CAV1: variants seen among roughly 807,000 people sequenced by gnomAD.
CAV1 encodes caveolin 1.
A neutral mutation model predicts 16.5 loss-of-function variants in CAV1; 10 were observed. The ratio of observed to expected loss-of-function variants is 0.61; its 90% CI spans 0.37 to 1.03. The LOEUF is 1.03. CAV1 is among the 50% of genes least tolerant of loss of function. The pLI is 0.01. For synonymous variants in CAV1, 76 were observed against 85.1 expected (o/e 0.89, Z 0.59); for missense variants, 212 against 232.8 (o/e 0.91, Z 0.58).
At chr7:116,533,673 G>C (rs1266065033) in intron 2 of CAV1, among the ~76,000 whole-genome samples, 1 of 152,074 alleles carries the variant, frequency 6.6e-6, no homozygotes, top group Non-Finnish European at 1.5e-5. Flanking sequence ...CTATCTCCTT[G>C]ACTTTCTTTA....
At chr7:116,551,439 G>T (rs1246632363) in intron 2 of CAV1, among the ~76,000 whole-genome samples, 1 of 152,166 alleles carries the variant, frequency 6.6e-6, no homozygotes, top group African/African-American at 2.4e-5. Flanking sequence ...ATGAATTCTA[G>T]AAAGTTGTAA....
chr7:116,538,464 A>T (rs1327727587), intron 2 of CAV1, among the ~76,000 whole-genome samples: 3 of 152,236 alleles, frequency 2.0e-5, no homozygotes, highest in Non-Finnish European at 4.4e-5. Context: ...TATGTCAAGG[A>T]AGTGGAATTG....
chr7:116,525,443 C>A (rs1404945073), intron 1 of CAV1: 59 of 1,397,440 alleles, frequency 4.2e-5, no homozygotes, highest in Non-Finnish European at 5.6e-5. Context: ...GCCCTGCCTG[C>A]TGGGGGTTCG....
rs1403064437 is a variant in CAV1 at position 116,559,468 on chromosome 7, T to C, written c.*181T>C. The C allele has an allele frequency of 8.1e-6, 5 of 614,148 alleles. No homozygotes were observed. Among genetic ancestry groups the C allele is most frequent in the Non-Finnish European group, 1.4e-5 (5 of 350,816 alleles). The allele number at this position is 614,148 out of a possible 1,614,324, so 38.0% of individuals were successfully genotyped here. A position where few individuals can be genotyped will look rare whatever the true frequency, so the allele number is the denominator to read the frequency against. On this transcript the variant is annotated 3_prime_UTR_variant, in exon 3 of 3. Coordinates refer to ENST00000341049, the MANE Select transcript of CAV1 (RefSeq NM_001753.5). ...TATGTCTCTTCTGAGCTATTTCATCTATTTTTGGCAGTCTGAATTTTTAAA... is the reference window on the plus strand; with the variant it reads ...TATGTCTCTTCTGAGCTATTTCATCCATTTTTGGCAGTCTGAATTTTTAAA...
chr7:116,553,657 T>A lies in CAV1; in HGVS notation c.196-5289T>A, dbSNP rs141235140. ...GGCATTGAGTTTTTAAGCCCATTTT[T>A]AATTCTTGTTCTGCTCATATTCTAA... is the stretch of plus-strand genomic sequence containing the variant. On this transcript the variant is annotated intron_variant, in intron 2 of 2. Transcript: ENST00000341049. Among the ~76,000 whole-genome samples the A allele has an allele frequency of 1.4e-3, 218 of 152,200 alleles. 1 individual carries two copies. The highest frequency in any genetic ancestry group is 2.7e-3 in the Non-Finnish European group (182 of 68,014).
At chr7:116,540,325 C>T (rs569909139) in intron 2 of CAV1, among the ~76,000 whole-genome samples, 88 of 152,258 alleles carry the variant, frequency 5.8e-4, no homozygotes, top group African/African-American at 1.7e-3. Flanking sequence ...GTGAAATGAA[C>T]GTCAGCTCTT....
At chr7:116,534,377 ATATATATATATATATATATTTTTTT>A (rs1255286470) in intron 2 of CAV1, among the ~76,000 whole-genome samples, 318 of 14,774 alleles carry the variant, frequency 0.022, 35 homozygotes, top group South Asian at 0.12. Flanking sequence ...ATATATATAT[ATATATATATATATATATATTTTTTT>A]TTTTTTTTTT....
At chr7:116,526,302 A>G in intron 1 of CAV1, 1 of 1,380,514 alleles carries the variant, frequency 7.2e-7, no homozygotes, top group South Asian at 1.4e-5. Context: ...CAGAGTACAG[A>G]GGGGTGTGGT....
At chr7:116,541,643 T>C (rs1323409785) in intron 2 of CAV1, among the ~76,000 whole-genome samples, 2 of 151,808 alleles carry the variant, frequency 1.3e-5, no homozygotes, top group African/African-American at 4.8e-5. Context: ...TCTCAGCTAC[T>C]TGGGGGGCCA....
At chr7:116,531,949 ATTATTCATTC>A (rs1321439803) in intron 2 of CAV1, among the ~76,000 whole-genome samples, 1 of 152,230 alleles carries the variant, frequency 6.6e-6, no homozygotes, top group East Asian at 1.9e-4. Flanking sequence ...AATGGCAGCT[ATTATTCATTC>A]TTAAGCATAT....
intron 2 of CAV1, among the ~76,000 whole-genome samples, chr7:116,553,774 C>A (rs565838444): frequency 2.0e-4 from 30 of 152,216 alleles, no homozygotes; most frequent in African/African-American, 7.2e-4. Flanking sequence ...GGGGAGTGAT[C>A]GTTTCAATGA....
At chr7:116,549,113 T>C (rs1584781104) in intron 2 of CAV1, among the ~76,000 whole-genome samples, 1 of 152,092 alleles carries the variant, frequency 6.6e-6, no homozygotes, top group Admixed American at 6.5e-5. Flanking sequence ...ACACAGACCA[T>C]GCACATACAC....
intron 2 of CAV1, among the ~76,000 whole-genome samples, chr7:116,535,882 C>T (rs1454470220): frequency 3.9e-5 from 6 of 152,100 alleles, no homozygotes; most frequent in South Asian, 2.1e-4. Flanking sequence ...AAGAACCAGA[C>T]GCTTTTATTT....
At chr7:116,546,495 G>A (rs1794048805) in intron 2 of CAV1, among the ~76,000 whole-genome samples, 2 of 151,410 alleles carry the variant, frequency 1.3e-5, no homozygotes, top group South Asian at 4.2e-4. Flanking sequence ...TTCGAGACCA[G>A]CCTCGCCAAC....
chr7:116,530,708 T>G (rs1418030259), intron 2 of CAV1, among the ~76,000 whole-genome samples: 1 of 152,140 alleles, frequency 6.6e-6, no homozygotes, highest in Non-Finnish European at 1.5e-5. Flanking sequence ...TCAATCAGAC[T>G]GGGATTTGAG....
At chr7:116,529,600 A>G (rs1236037205) in intron 2 of CAV1, among the ~76,000 whole-genome samples, 1 of 151,364 alleles carries the variant, frequency 6.6e-6, no homozygotes, top group East Asian at 1.9e-4. Flanking sequence ...AAGAAATGAA[A>G]CCCCAGTTTC....
At position 116,534,557 on chromosome 7, in the gene CAV1, G is replaced by A. The variant is rs373673431; in HGVS notation, c.195+7868G>A. Reference sequence around the variant, plus strand: ...TGGGACTACAGGCGCCCGCCACCACGGCTGGCTAATTTTTTCTATTTTTTA... The same window carrying A: ...TGGGACTACAGGCGCCCGCCACCACAGCTGGCTAATTTTTTCTATTTTTTA... On this transcript the variant is annotated intron_variant, in intron 2 of 2. Coordinates refer to ENST00000341049, the MANE Select transcript of CAV1 (RefSeq NM_001753.5). Among the ~76,000 whole-genome samples, 35 of 149,950 alleles carry A rather than the reference G, an allele frequency of 2.3e-4. No individual in the cohort carries two copies. The East Asian group carries it at 2.8e-3, about 12-fold the overall frequency.
chr7:116,547,992 C>G (rs1041130391), intron 2 of CAV1, among the ~76,000 whole-genome samples: 6 of 152,198 alleles, frequency 3.9e-5, no homozygotes, highest in African/African-American at 1.4e-4. Context: ...CATACATGCT[C>G]TTCAAAGGCA....
intron 2 of CAV1, among the ~76,000 whole-genome samples, chr7:116,537,876 A>G (rs1010085901): frequency 6.6e-6 from 1 of 152,246 alleles, no homozygotes; most frequent in Non-Finnish European, 1.5e-5. Flanking sequence ...AATGGGGTAC[A>G]CAGGGCAGGT....
Sources: gnomAD v4.1 joint callset for allele counts (sites outside exome capture counted in the v4.1 genomes callset) on GRCh38, gnomAD v4.1.1 for gene constraint, MANE v1.5 for transcripts, NCBI Gene and HGNC (gene_info 2026-07-23, HGNC 2026-07-21) for gene names.